B3GALT1: variants seen among roughly 807,000 people sequenced by gnomAD.
B3GALT1 encodes the protein UDP-Gal:betaGlcNAc beta 1,3-galactosyltransferase, polypeptide 1.
A neutral mutation model predicts 23.2 loss-of-function variants in B3GALT1; 10 were observed. The observed-to-expected ratio is 0.43, with a 90% CI of 0.27 to 0.73. The LOEUF (loss-of-function observed/expected upper bound fraction) is 0.73, where lower values mean the gene tolerates loss of function less well. Among genes scored for constraint, B3GALT1 ranks in the 30% least tolerant of loss-of-function variants. The pLI is 0.21. For synonymous variants in B3GALT1, 156 were observed against 141.5 expected, an observed-to-expected ratio of 1.10 and a Z score of -0.73; for missense variants, 299 against 405.4, an observed-to-expected ratio of 0.74 and a Z score of 2.25.
chr2:167,342,134 G>A (rs1381993317), intron 1 of B3GALT1, among the ~76,000 whole-genome samples: 1 of 152,124 alleles, frequency 6.6e-6, no homozygotes, highest in Admixed American at 6.6e-5. Flanking sequence ...CTAAGCAATG[G>A]AAAATTGTAA....
chr2:167,642,848 T>C (rs749838029), intron 2 of B3GALT1, among the ~76,000 whole-genome samples: 19 of 152,168 alleles, frequency 1.2e-4, no homozygotes, highest in Non-Finnish European at 1.9e-4. Flanking sequence ...ACTTAAAACA[T>C]TGGCTAATAT....
In B3GALT1 at chr2:167,468,962, A is replaced by G. The variant is rs376704394; in HGVS notation, c.-510-21215A>G. On this transcript the variant is annotated intron_variant, in intron 1 of 4. Coordinates refer to ENST00000392690, the MANE Select transcript of B3GALT1 (RefSeq NM_020981.4). ...ATACCATTGTAGCCACTTATATCCA[A>G]TATTGTACTGGACCATGTATTTACT... Among the ~76,000 whole-genome samples the G allele has an allele frequency of 2.6e-5, 4 of 152,352 alleles. No individual in the cohort carries two copies. The East Asian group carries it at 5.8e-4, about 22-fold the overall frequency.
chr2:167,457,426 G>A (rs986001199), intron 1 of B3GALT1, among the ~76,000 whole-genome samples: 4 of 151,772 alleles, frequency 2.6e-5, no homozygotes, highest in African/African-American at 9.7e-5. Context: ...ACCCGCCTTG[G>A]CCTCCCAAAG....
At chr2:167,587,537 T>G (rs1302991140) in intron 2 of B3GALT1, among the ~76,000 whole-genome samples, 1 of 152,228 alleles carries the variant, frequency 6.6e-6, no homozygotes, top group Non-Finnish European at 1.5e-5. Flanking sequence ...AAATGCTGTC[T>G]CTTGTTTATT....
At chr2:167,616,566 G>A (rs1482435319) in intron 2 of B3GALT1, among the ~76,000 whole-genome samples, 1 of 151,978 alleles carries the variant, frequency 6.6e-6, no homozygotes, top group Non-Finnish European at 1.5e-5. Flanking sequence ...GCTGGGTGTG[G>A]TGGTGCATGT....
At chr2:167,358,739 C>G (rs1454919942) in intron 1 of B3GALT1, among the ~76,000 whole-genome samples, 1 of 152,018 alleles carries the variant, frequency 6.6e-6, no homozygotes, top group East Asian at 1.9e-4. Flanking sequence ...TCAATTTTAC[C>G]TATATGGGTT....
chr2:167,383,419 G>C (rs1244894683), intron 1 of B3GALT1, among the ~76,000 whole-genome samples: 1 of 152,126 alleles, frequency 6.6e-6, no homozygotes, highest in African/African-American at 2.4e-5. Context: ...TGTTCCCACT[G>C]TTTAAGATAT....
chr2:167,498,334 G>A (rs985844859), intron 2 of B3GALT1, among the ~76,000 whole-genome samples: 7 of 152,102 alleles, frequency 4.6e-5, no homozygotes, highest in East Asian at 1.9e-4. Context: ...TGTCAATTGA[G>A]AGTCTCTTCA....
intron 2 of B3GALT1, among the ~76,000 whole-genome samples, chr2:167,595,731 A>G (rs1684763423): frequency 6.6e-6 from 1 of 152,340 alleles, no homozygotes; most frequent in African/African-American, 2.4e-5. Context: ...AACACAGTCA[A>G]TACTTGTGTG....
intron 2 of B3GALT1, among the ~76,000 whole-genome samples, chr2:167,560,567 T>A (rs4564744): frequency 6.6e-6 from 1 of 152,030 alleles, no homozygotes; most frequent in Non-Finnish European, 1.5e-5. Flanking sequence ...ACGCATCTCA[T>A]GTGCAGAGAC....
At chr2:167,719,145 C>T (rs1317247302) in intron 3 of B3GALT1, among the ~76,000 whole-genome samples, 1 of 152,130 alleles carries the variant, frequency 6.6e-6, no homozygotes, top group Non-Finnish European at 1.5e-5. Flanking sequence ...AGCTTGACTA[C>T]CAAAGCACAC....
chr2:167,623,842 T>C (rs1183220741), intron 2 of B3GALT1, among the ~76,000 whole-genome samples: 1 of 152,016 alleles, frequency 6.6e-6, no homozygotes, highest in African/African-American at 2.4e-5. Context: ...TAGCAGGATG[T>C]TTTCACTGGA....
intron 2 of B3GALT1, among the ~76,000 whole-genome samples, chr2:167,627,688 G>A (rs1429117299): frequency 6.6e-6 from 1 of 151,516 alleles, no homozygotes; most frequent in African/African-American, 2.4e-5. Context: ...GTAAAGACCT[G>A]GGAGTGGAAC....
intron 3 of B3GALT1, among the ~76,000 whole-genome samples, chr2:167,661,813 T>C (rs1295295918): frequency 6.6e-6 from 1 of 152,084 alleles, no homozygotes; most frequent in Non-Finnish European, 1.5e-5. Context: ...TCAGGGGTTA[T>C]AGAAAAACCA....
At chr2:167,754,681 G>A (rs1687789338) in intron 3 of B3GALT1, among the ~76,000 whole-genome samples, 2 of 152,044 alleles carry the variant, frequency 1.3e-5, no homozygotes, top group Admixed American at 6.6e-5. Flanking sequence ...TCCACATCAA[G>A]TCCACATCTT....
At chr2:167,350,398 CTTGT>C (rs1331447972) in intron 1 of B3GALT1, among the ~76,000 whole-genome samples, 6 of 152,112 alleles carry the variant, frequency 3.9e-5, no homozygotes, top group Middle Eastern at 3.2e-3. Context: ...GATTATAATG[CTTGT>C]TTGTAGTCTT....
At chr2:167,684,743 T>C (rs1479911282) in intron 3 of B3GALT1, among the ~76,000 whole-genome samples, 1 of 152,234 alleles carries the variant, frequency 6.6e-6, no homozygotes, top group Admixed American at 6.5e-5. Flanking sequence ...ATTCTCATTA[T>C]TGGAATTCTT....
chr2:167,696,644 T>C (rs1029175223), intron 3 of B3GALT1, among the ~76,000 whole-genome samples: 6 of 152,154 alleles, frequency 3.9e-5, no homozygotes, highest in African/African-American at 1.4e-4. Flanking sequence ...TCACATATAA[T>C]AAAATATTTG....
chr2:167,412,898 G>T (rs1698412195), intron 1 of B3GALT1, among the ~76,000 whole-genome samples: 1 of 151,878 alleles, frequency 6.6e-6, no homozygotes, highest in African/African-American at 2.4e-5. Flanking sequence ...AAAAGAAATG[G>T]GAAATGAAAT....
Sources: allele counts gnomAD v4.1 joint callset (sites outside exome capture counted in the v4.1 genomes callset), GRCh38; gene constraint gnomAD v4.1.1; transcripts MANE v1.5; gene names NCBI Gene and HGNC (gene_info 2026-07-23, HGNC 2026-07-21).